The following DNAH7 variants were observed in gnomAD, a reference collection of about 807,000 sequenced individuals.
The protein encoded by DNAH7 is axonemal beta dynein heavy chain 7.
Under a neutral mutation model 444.6 loss-of-function variants are expected in DNAH7, and 397 were observed. That is an observed-to-expected ratio of 0.89 (90% CI 0.82 to 0.97). The LOEUF is 0.97. Among genes scored for constraint, DNAH7 ranks in the 50% least tolerant of loss-of-function variants. DNAH7 has a pLI of 0.00. For missense variants in DNAH7, 4,902 were observed against 4,800.8 expected, an observed-to-expected ratio of 1.02 and a Z score of -0.62; for synonymous variants, 1,636 against 1,624.4, an observed-to-expected ratio of 1.01 and a Z score of -0.17.
At chr2:195,768,502 T>C (rs1694691698) in intron 61 of DNAH7, among the ~76,000 whole-genome samples, 1 of 151,962 alleles carries the variant, frequency 6.6e-6, no homozygotes, top group Non-Finnish European at 1.5e-5. Context: ...AACAATGCAG[T>C]GCTGCCCATT....
Position 195,900,280 on chromosome 2 carries a change from A to G in DNAH7, c.4548+2T>C. Reference sequence around the variant, plus strand: ...ACAAGTAAGAAATATTGTGTTCTCTACCTTCAGATTCCCAGCAGCAGTAAG... The same window carrying G: ...ACAAGTAAGAAATATTGTGTTCTCTGCCTTCAGATTCCCAGCAGCAGTAAG... On this transcript the variant is annotated splice_donor_variant, in intron 28 of 64. Transcript: ENST00000312428. LOFTEE classifies it high-confidence loss of function. The G allele has an allele frequency of 6.2e-7, 1 of 1,613,744 alleles. No individual in the cohort carries two copies. The highest frequency in any genetic ancestry group is 1.1e-5 in the South Asian group (1 of 91,066).
chr2:195,755,856 T>A (rs1694042639), intron 62 of DNAH7, among the ~76,000 whole-genome samples: 1 of 152,214 alleles, frequency 6.6e-6, no homozygotes, highest in Admixed American at 6.5e-5. Flanking sequence ...GAAGCTTGAC[T>A]GGCTTTCGAA....
At chr2:195,867,293 C>T (rs36006717) in intron 40 of DNAH7, among the ~76,000 whole-genome samples, 1 of 152,140 alleles carries the variant, frequency 6.6e-6, no homozygotes, top group African/African-American at 2.4e-5. Context: ...TATTCTATCA[C>T]CACCTCTCAC....
chr2:195,940,460 G>A (rs894688913), intron 19 of DNAH7, among the ~76,000 whole-genome samples: 6 of 152,070 alleles, frequency 3.9e-5, no homozygotes, highest in African/African-American at 1.4e-4. Flanking sequence ...CAGGATACAG[G>A]CATGGGCAAA....
chr2:195,953,329 G>A (rs1001969239), intron 19 of DNAH7, among the ~76,000 whole-genome samples: 2 of 152,106 alleles, frequency 1.3e-5, no homozygotes, highest in Admixed American at 6.5e-5. Flanking sequence ...AGGGGCACCC[G>A]CCAGATGCCA....
chr2:196,051,051 T>A, intron 3 of DNAH7, 136 bp downstream of exon 3: 1 of 741,958 alleles, frequency 1.3e-6, no homozygotes, highest in Non-Finnish European at 2.4e-6. Context: ...TGTCCTAATA[T>A]GCACACCTCA....
At chr2:195,892,110 G>T (rs1261687561) in intron 30 of DNAH7, among the ~76,000 whole-genome samples, 2 of 152,034 alleles carry the variant, frequency 1.3e-5, no homozygotes, top group Admixed American at 6.5e-5. Flanking sequence ...CTAAGAAATG[G>T]GTTGGCAAAT....
At chr2:196,037,088 C>T (rs887606525) in intron 5 of DNAH7, among the ~76,000 whole-genome samples, 2 of 152,150 alleles carry the variant, frequency 1.3e-5, no homozygotes, top group African/African-American at 4.8e-5. Flanking sequence ...TCATCACAGC[C>T]TCCACAAACA....
In DNAH7 at chr2:196,019,245, C is replaced by G. The variant is rs776991485; in HGVS notation, c.794G>C (p.Ser265Thr). ...TGCATTCAAGTGATCCCTAATATAA[C>G]TGCTTGCAGCTAAAAAAGATTTCCT... ...PWRKSFLAASSYIRDHLNAMN... is the reference protein window; with the variant it reads ...PWRKSFLAASTYIRDHLNAMN... Residue 265 changes from serine to threonine, a missense_variant, in exon 9 of 65, where the codon AGT becomes ACT. Physicochemically the swap from Ser to Thr is moderately conservative, Grantham distance 58. Transcript: ENST00000312428. The G allele has an allele frequency of 2.7e-6, 4 of 1,507,858 alleles. No homozygotes were observed. In the African/African-American group the frequency reaches 5.5e-5, roughly 21 times the overall value. The allele number at this position is 1,507,858 out of a possible 1,614,324, so 93.4% of individuals were successfully genotyped here.
chr2:196,053,648 T>C (rs1422973851), intron 2 of DNAH7, among the ~76,000 whole-genome samples: 1 of 152,160 alleles, frequency 6.6e-6, no homozygotes, highest in African/African-American at 2.4e-5. Flanking sequence ...AGGTCACCTC[T>C]ACCTCTCAAA....
intron 63 of DNAH7, among the ~76,000 whole-genome samples, chr2:195,747,613 A>G (rs1693508250): frequency 6.6e-6 from 1 of 152,236 alleles, no homozygotes; most frequent in Non-Finnish European, 1.5e-5. Context: ...CAAATCCAGC[A>G]GCACATCAAA....
intron 47 of DNAH7, 62 bp downstream of exon 47, chr2:195,844,940 G>T: frequency 2.7e-6 from 4 of 1,463,194 alleles, no homozygotes; most frequent in South Asian, 1.3e-5. Context: ...ATTGTTAAAG[G>T]AACACAGATA....
intron 12 of DNAH7, among the ~76,000 whole-genome samples, chr2:195,990,903 A>G (rs1436643998): frequency 7.1e-6 from 1 of 140,818 alleles, no homozygotes. Context: ...ATATACATAT[A>G]TATACTTAAA....
chr2:195,886,607 C>G (rs1168814921), intron 33 of DNAH7, among the ~76,000 whole-genome samples: 1 of 152,082 alleles, frequency 6.6e-6, no homozygotes, highest in Admixed American at 6.6e-5. Context: ...ATTTCTATAT[C>G]TAAAATGCTT....
At chr2:195,976,313 G>A (rs1692182001) in intron 15 of DNAH7, among the ~76,000 whole-genome samples, 1 of 152,200 alleles carries the variant, frequency 6.6e-6, no homozygotes. Flanking sequence ...GACCTGTGGT[G>A]GTGGTGGACA....
At chr2:195,903,915 T>G (rs902671571) in intron 27 of DNAH7, 1 of 152,062 alleles carries the variant, frequency 6.6e-6, no homozygotes, top group Admixed American at 6.6e-5. Flanking sequence ...GCCTGACTCA[T>G]GTCTGAAAAA....
intron 35 of DNAH7, among the ~76,000 whole-genome samples, chr2:195,883,642 T>TCCC (rs1452596577): frequency 1.8e-4 from 28 of 152,290 alleles, no homozygotes; most frequent in African/African-American, 6.7e-4. Flanking sequence ...GAAAGCTTAA[T>TCCC]AAACTGTAAA....
intron 40 of DNAH7, among the ~76,000 whole-genome samples, chr2:195,865,759 T>C (rs1478724150): frequency 6.6e-6 from 1 of 152,166 alleles, no homozygotes; most frequent in African/African-American, 2.4e-5. Flanking sequence ...TGACTGGATT[T>C]GGGGATAGGG....
At chr2:196,023,930 G>C in intron 8 of DNAH7, among the ~76,000 whole-genome samples, 1 of 152,150 alleles carries the variant, frequency 6.6e-6, no homozygotes. Flanking sequence ...AGGAGAAATG[G>C]GGGAGTGACT....
Sources: allele counts gnomAD v4.1 joint callset (sites outside exome capture counted in the v4.1 genomes callset), GRCh38; gene constraint gnomAD v4.1.1; transcripts MANE v1.5; gene names NCBI Gene and HGNC (gene_info 2026-07-23, HGNC 2026-07-21).